WDR35: variants seen among roughly 807,000 people sequenced by gnomAD.
WDR35 encodes the protein WD repeat-containing protein 35.
In WDR35, 118 loss-of-function variants were observed where a neutral mutation model predicts 158.3. The observed-to-expected ratio is 0.75, with a 90% CI of 0.64 to 0.87. The LOEUF (loss-of-function observed/expected upper bound fraction) is 0.87. Ranked by LOEUF, WDR35 falls within the 40% of genes least tolerant of loss-of-function variation. The pLI is 0.00. For missense variants in WDR35, 1,263 were observed against 1,405.8 expected, an observed-to-expected ratio of 0.90 and a Z score of 1.62; for synonymous variants, 448 against 476.1, an observed-to-expected ratio of 0.94 and a Z score of 0.77.
chr2:19,933,738 C>T (rs537049760), intron 21 of WDR35, among the ~76,000 whole-genome samples: 24 of 152,108 alleles, frequency 1.6e-4, no homozygotes, highest in Non-Finnish European at 3.4e-4. Flanking sequence ...TGATTTTTAA[C>T]GAGGCCCTGA....
In WDR35 at chr2:19,974,499, T is replaced by C. The variant is rs1205627323; in HGVS notation, c.705A>G (p.Arg235=). The C allele has an allele frequency of 3.1e-6, 5 of 1,611,186 alleles. No homozygotes were observed. Among genetic ancestry groups the C allele is most frequent in the Non-Finnish European group, 4.2e-6 (5 of 1,178,612 alleles). The change falls in exon 7 of 27, where the codon AGA becomes AGG. Residue 235 remains arginine (R), a synonymous_variant. Transcript: ENST00000281405. The part of the protein sequence containing the change: ...PCLAVCFDNG[R]CQIMRHENDQ... ...CATTCTCATGTCTCATTATTTGGCA[T>C]CTTCCATTATCAAAGCAAACAGCAA...
At chr2:19,964,381 C>CTTTTTTTTTTTTTTTTTT (rs558586617) in intron 10 of WDR35, among the ~76,000 whole-genome samples, 3 of 113,426 alleles carry the variant, frequency 2.6e-5, no homozygotes, top group Non-Finnish European at 5.3e-5. Context: ...CTTTTCTTTT[C>CTTTTTTTTTTTTTTTTTT]TTTTTTTTTT....
intron 11 of WDR35, among the ~76,000 whole-genome samples, chr2:19,954,368 A>C (rs1411407165): frequency 6.6e-6 from 1 of 152,252 alleles, no homozygotes; most frequent in Non-Finnish European, 1.5e-5. Context: ...AAAGGACACT[A>C]TCAAGAAAGT....
chr2:19,947,900 T>C (rs1671108166), intron 14 of WDR35, among the ~76,000 whole-genome samples: 1 of 152,144 alleles, frequency 6.6e-6, no homozygotes, highest in African/African-American at 2.4e-5. Context: ...CTTTCTTATT[T>C]CTCATACTGA....
At chr2:19,915,819 A>T in intron 25 of WDR35, among the ~76,000 whole-genome samples, 1 of 151,438 alleles carries the variant, frequency 6.6e-6, no homozygotes, top group Non-Finnish European at 1.5e-5. Flanking sequence ...ACATGTTCTC[A>T]CTCATATGTG....
At chr2:19,914,401 T>C in intron 25 of WDR35, 124 bp from the exon 26 acceptor site, 1 of 1,236,682 alleles carries the variant, frequency 8.1e-7, no homozygotes. Context: ...AAGCAAACAG[T>C]GTTGAGAGAT....
chr2:19,970,742 C>T (rs2103450002), intron 8 of WDR35, among the ~76,000 whole-genome samples: 1 of 152,276 alleles, frequency 6.6e-6, no homozygotes, highest in Admixed American at 6.5e-5. Context: ...TTGGCCTATA[C>T]AATATCCCTT....
At chr2:19,989,859 G>A in intron 1 of WDR35, 133 bp downstream of exon 1, 2 of 1,453,830 alleles carry the variant, frequency 1.4e-6, no homozygotes, top group Non-Finnish European at 9.5e-7. Context: ...GGACCCGGCG[G>A]GAAGGATGGC....
chr2:19,936,702 C>T (rs1022232333), intron 19 of WDR35, among the ~76,000 whole-genome samples: 1 of 152,150 alleles, frequency 6.6e-6, no homozygotes, highest in Admixed American at 6.5e-5. Flanking sequence ...GCCCCTTTTG[C>T]CCTTTTCACT....
chr2:19,913,252 G>T lies in WDR35; in HGVS notation c.*306C>A. 1 of 253,966 alleles carries T rather than the reference G, an allele frequency of 3.9e-6. No homozygotes were observed. The highest frequency in any genetic ancestry group is 7.6e-6 in the Non-Finnish European group (1 of 131,160). 15.7% of individuals were successfully genotyped at this position (253,966 alleles called of 1,614,324 possible). A position where few individuals can be genotyped will look rare whatever the true frequency, so the allele number is the denominator to read the frequency against. ...GAATTCAGTTACCTTGACACTGTGA[G>T]AAAAAAATTTATTTGGAATATTTCC... On this transcript the variant is annotated 3_prime_UTR_variant, in exon 27 of 27. Transcript: ENST00000281405.
At chr2:19,982,658 A>G in intron 2 of WDR35, 124 bp from the exon 3 acceptor site, 4 of 1,014,674 alleles carry the variant, frequency 3.9e-6, no homozygotes, top group Non-Finnish European at 5.8e-6. Context: ...ATTCTGATAT[A>G]TTTTTCTCAT....
chr2:19,988,910 AAC>A (rs1393079902), intron 2 of WDR35, among the ~76,000 whole-genome samples: 2 of 152,204 alleles, frequency 1.3e-5, no homozygotes, highest in East Asian at 3.8e-4. Flanking sequence ...GACATAGCAT[AAC>A]ACAGTGACTT....
chr2:19,916,817 G>A (rs528029695), intron 25 of WDR35, among the ~76,000 whole-genome samples: 11 of 152,314 alleles, frequency 7.2e-5, no homozygotes, highest in Admixed American at 5.2e-4. Flanking sequence ...AGACTTAAAC[G>A]TCCCTACCTG....
intron 24 of WDR35, 119 bp downstream of exon 24, chr2:19,931,150 G>A: frequency 8.5e-7 from 1 of 1,172,226 alleles, no homozygotes; most frequent in South Asian, 1.5e-5. Flanking sequence ...TATCATTTAA[G>A]GAAACAAATG....
chr2:19,938,040 AT>A (rs2103405712), intron 18 of WDR35, 94 bp from the exon 19 acceptor site: 1 of 1,486,026 alleles, frequency 6.7e-7, no homozygotes, highest in East Asian at 2.3e-5. Flanking sequence ...TATGTCTATT[AT>A]TTCTAGAGAA....
At chr2:19,929,252 A>T (rs1670452780) in intron 25 of WDR35, among the ~76,000 whole-genome samples, 1 of 152,264 alleles carries the variant, frequency 6.6e-6, no homozygotes, top group South Asian at 2.1e-4. Flanking sequence ...TCTTATAAAA[A>T]TAATTAAAAA....
rs1671875700 is a variant in WDR35, at chr2:19,966,966, G to T, written c.1009-57C>A. 7.1e-6 allele frequency: 11 copies of T among 1,542,824 alleles called. 1 individual carries two copies. In the South Asian group the frequency reaches 1.2e-4, roughly 17 times the overall value. ...GATTGAAAGGGAGAAGAATTATTTA[G>T]TATTGGGAAGGCAAATCACATTATT... On this transcript the variant is annotated intron_variant, in intron 9 of 26. Coordinates refer to ENST00000281405, the MANE Select transcript of WDR35 (RefSeq NM_020779.4).
chr2:19,914,572 C>T (rs963264233), intron 25 of WDR35, among the ~76,000 whole-genome samples: 7 of 152,172 alleles, frequency 4.6e-5, no homozygotes, highest in Admixed American at 2.0e-4. Flanking sequence ...AAAACATCCA[C>T]ATTTTCTTCA....
chr2:19,953,702 A>T, intron 12 of WDR35, 132 bp downstream of exon 12: 1 of 1,198,130 alleles, frequency 8.3e-7, no homozygotes. Flanking sequence ...TTTAAAGATA[A>T]TCAAATTAAT....
Sources: allele counts gnomAD v4.1 joint callset (sites outside exome capture counted in the v4.1 genomes callset), GRCh38; gene constraint gnomAD v4.1.1; transcripts MANE v1.5; gene names NCBI Gene and HGNC (gene_info 2026-07-23, HGNC 2026-07-21).